Variants in KMT2C observed in about 807,000 individuals in gnomAD.
KMT2C encodes the protein histone-lysine N-methyltransferase 2C.
Under a neutral mutation model 507.9 loss-of-function variants are expected in KMT2C, and 88 were observed. That is an observed-to-expected ratio of 0.17 (90% confidence interval 0.15 to 0.21). The LOEUF is 0.21. KMT2C is among the 10% of genes least tolerant of loss of function. The pLI, the probability that KMT2C is intolerant of heterozygous loss-of-function variation, is 1.00. For missense variants in KMT2C, 4,954 were observed against 5,957.8 expected, an observed-to-expected ratio of 0.83 and a Z score of 5.55; for synonymous variants, 2,049 against 2,080.8, an observed-to-expected ratio of 0.98 and a Z score of 0.42.
In KMT2C at chr7:152,201,619, A is replaced by G. The variant is rs922513722; in HGVS notation, c.4092+1315T>C. ...CAGGAGAAAACAACAACAAAGATGAAAAAAAAAAAAAAAAAAAAAAAAAAG... is the reference window on the plus strand; with the variant it reads ...CAGGAGAAAACAACAACAAAGATGAGAAAAAAAAAAAAAAAAAAAAAAAAG... On this transcript the variant is annotated intron_variant, in intron 26 of 58. Coordinates refer to ENST00000262189, the MANE Select transcript of KMT2C (RefSeq NM_170606.3). Among the ~76,000 whole-genome samples the G allele has an allele frequency of 3.8e-3, 336 of 87,882 alleles. 11 individuals are homozygous for G. The highest frequency in any genetic ancestry group is 0.018 in the African/African-American group (323 of 17,658). The allele number at this position is 87,882 out of a possible 152,430, so 57.7% of individuals were successfully genotyped here. A position where few individuals can be genotyped will look rare whatever the true frequency, so the allele number is the denominator to read the frequency against.
chr7:152,170,827 C>T (rs889014475), intron 40 of KMT2C, among the ~76,000 whole-genome samples: 1 of 152,030 alleles, frequency 6.6e-6, no homozygotes, highest in Non-Finnish European at 1.5e-5. Context: ...AGAAGTTTTA[C>T]ATTTTAAATA....
intron 1 of KMT2C, among the ~76,000 whole-genome samples, chr7:152,380,481 T>C (rs2097364186): frequency 1.3e-5 from 2 of 148,608 alleles, no homozygotes; most frequent in South Asian, 4.3e-4. Context: ...GACAGGAGAG[T>C]CGCTTGAACC....
At chr7:152,350,549 T>G (rs1033954945) in intron 2 of KMT2C, among the ~76,000 whole-genome samples, 1 of 152,224 alleles carries the variant, frequency 6.6e-6, no homozygotes, top group African/African-American at 2.4e-5. Context: ...CAAGTATTTG[T>G]GTATCTAAAT....
Position 152,162,952 on chromosome 7 carries a change from G to C in KMT2C, c.10625C>G (p.Thr3542Ser). 6.2e-7 allele frequency: 1 copy of C among 1,614,158 alleles called. No individual in the cohort carries two copies. Among genetic ancestry groups the C allele is most frequent in the Non-Finnish European group, 8.5e-7 (1 of 1,180,038 alleles). ...CCTCACTGGGGACTGCTGGAAGCTG[G>C]TCCCAGAAAGATTTCCATGTCCCTG... ...VKQGHGNLSG[T>S]SFQQSPVRPS... Residue 3542 changes from threonine (T) to serine (S), a missense_variant, in exon 43 of 59, where the codon ACC (threonine) becomes AGC (serine). Coordinates refer to ENST00000262189, the MANE Select transcript of KMT2C (RefSeq NM_170606.3).
At chr7:152,424,971 A>T (rs2097802455) in intron 1 of KMT2C, among the ~76,000 whole-genome samples, 1 of 152,158 alleles carries the variant, frequency 6.6e-6, no homozygotes, top group Non-Finnish European at 1.5e-5. Flanking sequence ...CAAAAATAGC[A>T]AAGTGTCATT....
chr7:152,308,066 C>T (rs1289071745), intron 6 of KMT2C, among the ~76,000 whole-genome samples: 1 of 152,154 alleles, frequency 6.6e-6, no homozygotes, highest in African/African-American at 2.4e-5. Context: ...GGGGAAAATA[C>T]TATTATGCAT....
intron 1 of KMT2C, among the ~76,000 whole-genome samples, chr7:152,369,065 G>A (rs2097271208): frequency 6.6e-6 from 1 of 151,950 alleles, no homozygotes; most frequent in South Asian, 2.1e-4. Flanking sequence ...GCTCACACCT[G>A]TAATCCCAGC....
intron 1 of KMT2C, among the ~76,000 whole-genome samples, chr7:152,403,715 TACACACACACACACACACACAC>T (rs36191060): frequency 6.9e-6 from 1 of 145,778 alleles, no homozygotes; most frequent in Admixed American, 6.8e-5. Context: ...CTGGGACACA[TACACACACACACACACACACAC>T]ACACACACAC....
At position 152,154,440 on chromosome 7, in the gene KMT2C, T is replaced by A. The variant is rs2129098856; in HGVS notation, c.11966A>T (p.Gln3989Leu). ...AGTATCTCGATCACCACAGTGATCC[T>A]GTATCCTGAAAAAACATAAACACAC... ...PHNNQEELRI[Q>L]DHCGDRDTPD... Residue 3989 changes from glutamine (Q) to leucine (L), a missense_variant, in exon 47 of 59, where the codon CAG becomes CTG. Physicochemically the swap from Gln to Leu is moderately radical, Grantham distance 113. Coordinates refer to ENST00000262189, the MANE Select transcript of KMT2C (RefSeq NM_170606.3). 6.2e-7 allele frequency: 1 copy of A among 1,612,478 alleles called. No homozygotes were observed. Among genetic ancestry groups the A allele is most frequent in the East Asian group, 2.2e-5 (1 of 44,866 alleles).
chr7:152,389,477 ACTTTT>A (rs1476177773), intron 1 of KMT2C, among the ~76,000 whole-genome samples: 19 of 146,824 alleles, frequency 1.3e-4, no homozygotes, highest in South Asian at 4.3e-4. Context: ...CTAATTATTT[ACTTTT>A]TTTTTTTTTA....
chr7:152,371,418 C>G (rs1301820564), intron 1 of KMT2C, among the ~76,000 whole-genome samples: 1 of 152,022 alleles, frequency 6.6e-6, no homozygotes, highest in Non-Finnish European at 1.5e-5. Flanking sequence ...ACGCATATCA[C>G]TATCAAAAAA....
chr7:152,236,545 G>C (rs570260124), intron 15 of KMT2C, among the ~76,000 whole-genome samples: 23 of 152,242 alleles, frequency 1.5e-4, no homozygotes, highest in African/African-American at 5.3e-4. Context: ...ACATCAGCGT[G>C]AAAGTTCATT....
intron 6 of KMT2C, among the ~76,000 whole-genome samples, chr7:152,277,880 T>C (rs1307455174): frequency 6.6e-6 from 1 of 152,196 alleles, no homozygotes; most frequent in African/African-American, 2.4e-5. Flanking sequence ...TAGGTTAAAT[T>C]CTCTAGTAAA....
chr7:152,371,701 C>A (rs766747124), intron 1 of KMT2C, among the ~76,000 whole-genome samples: 6 of 151,892 alleles, frequency 4.0e-5, no homozygotes, highest in Non-Finnish European at 5.9e-5. Flanking sequence ...GGAAACCCCA[C>A]CTCCCAGGTT....
At chr7:152,315,585 T>C (rs948918980) in intron 3 of KMT2C, among the ~76,000 whole-genome samples, 2 of 152,206 alleles carry the variant, frequency 1.3e-5, no homozygotes, top group Non-Finnish European at 2.9e-5. Context: ...CAAAAAATTC[T>C]AGTTAGCAGT....
chr7:152,169,304 G>T (rs1320153623), intron 40 of KMT2C, 55 bp from the exon 41 acceptor site: 2 of 911,962 alleles, frequency 2.2e-6, no homozygotes, highest in Non-Finnish European at 3.5e-6. Context: ...TTAAAGGGGG[G>T]AAAAAACTTT....
In KMT2C at chr7:152,421,975, G is replaced by C. The variant is rs114920577; in HGVS notation, c.161+13651C>G. Among the ~76,000 whole-genome samples the C allele has an allele frequency of 8.7e-3, 1,318 of 152,282 alleles. 9 individuals carry two copies. The highest frequency in any genetic ancestry group is 0.02 in the African/African-American group (814 of 41,552). On this transcript the variant is annotated intron_variant, in intron 1 of 58. Transcript: ENST00000262189. Reference sequence around the variant, plus strand: ...GGAATGAATGTAGGACATTTTTAAAGAGAATAGTCAAAGGTTAGCAGAATA... The same window carrying C: ...GGAATGAATGTAGGACATTTTTAAACAGAATAGTCAAAGGTTAGCAGAATA...
chr7:152,185,803 G>A (rs1020290096), intron 33 of KMT2C, among the ~76,000 whole-genome samples, 172 bp from the exon 34 acceptor site: 1 of 152,208 alleles, frequency 6.6e-6, no homozygotes, highest in South Asian at 2.1e-4. Context: ...CACACTGTAG[G>A]CCAAACAAAC....
chr7:152,309,969 T>C lies in KMT2C; in HGVS notation c.846A>G (p.Thr282=). 1.3e-6 allele frequency: 2 copies of C among 1,591,016 alleles called. No homozygotes were observed. Among genetic ancestry groups the C allele is most frequent in the Non-Finnish European group, 1.7e-6 (2 of 1,159,262 alleles). The change falls in exon 6 of 59, where the codon ACA becomes ACG. Residue 282 remains threonine (T), a synonymous_variant. Transcript: ENST00000262189. The part of the protein sequence containing the change: ...NVDKAVVSGS[T]ERCAFCKHLG... The stretch of plus-strand genomic sequence containing the variant: ...AATATTTGCTTTGTCTACTTACTTC[T>C]GTGCTCCCTGAGACAACAGCTTTGT...
Sources: allele counts gnomAD v4.1 joint callset (sites outside exome capture counted in the v4.1 genomes callset), GRCh38; gene constraint gnomAD v4.1.1; transcripts MANE v1.5; gene names NCBI Gene and HGNC (gene_info 2026-07-23, HGNC 2026-07-21).